The following SLC22A24 variants were observed in gnomAD, a reference collection of about 807,000 sequenced individuals.
The protein encoded by SLC22A24 is solute carrier family 22 member 24.
Under a neutral mutation model 49.8 loss-of-function variants are expected in SLC22A24, and 53 were observed. The ratio of observed to expected loss-of-function variants is 1.06; its 90% confidence interval spans 0.85 to 1.34. The LOEUF (loss-of-function observed/expected upper bound fraction) is 1.34. Ranked by LOEUF, SLC22A24 falls within the 40% of genes most tolerant of loss-of-function variation. SLC22A24 has a pLI of 0.00. For synonymous variants in SLC22A24, 302 were observed against 256.4 expected, an observed-to-expected ratio of 1.18 and a Z score of -1.70; for missense variants, 786 against 675.9, an observed-to-expected ratio of 1.16 and a Z score of -1.81.
At chr11:63,107,946 C>T (rs2087132924) in intron 4 of SLC22A24, among the ~76,000 whole-genome samples, 1 of 151,956 alleles carries the variant, frequency 6.6e-6, no homozygotes, top group African/African-American at 2.4e-5. Context: ...GCCTAATTGC[C>T]CTGGCCAGAA....
intron 2 of SLC22A24, among the ~76,000 whole-genome samples, chr11:63,133,946 A>T (rs79511489): frequency 6.6e-6 from 1 of 152,260 alleles, no homozygotes; most frequent in South Asian, 2.1e-4. Context: ...TGCCCACTCC[A>T]TTCTAGGTTC....
At chr11:63,140,404 G>A (rs559945592) in intron 1 of SLC22A24, among the ~76,000 whole-genome samples, 31 of 152,102 alleles carry the variant, frequency 2.0e-4, no homozygotes, top group African/African-American at 7.0e-4. Context: ...AAAGATTATC[G>A]GTAAAACAAA....
intron 4 of SLC22A24, among the ~76,000 whole-genome samples, chr11:63,110,982 G>T (rs1358942359): frequency 6.6e-6 from 1 of 151,974 alleles, no homozygotes; most frequent in African/African-American, 2.4e-5. Flanking sequence ...ATTGGCTGTG[G>T]GTTTGCCATA....
intron 4 of SLC22A24, 111 bp downstream of exon 4, chr11:63,118,801 T>C: frequency 8.9e-7 from 1 of 1,128,568 alleles, no homozygotes; most frequent in Non-Finnish European, 1.3e-6. Context: ...ACTATGGACA[T>C]CATGGCTCAG....
In SLC22A24 at chr11:63,143,547, G is replaced by T; in HGVS notation, c.233C>A (p.Pro78Gln). The change falls in exon 1 of 10, where the codon CCA becomes CAA. Residue 78 changes from proline to glutamine, a missense_variant. Coordinates refer to ENST00000612278, the MANE Select transcript of SLC22A24 (RefSeq NM_001136506.2). ...CTGTGGCCTCAGGTTTGAGTCCAGT[G>T]GGATGGAGATTCTCAGGAGGTCATC... ...SKDDLLRISI[P>Q]LDSNLRPQKC... 6.3e-7 allele frequency: 1 copy of T among 1,584,480 alleles called. No individual in the cohort carries two copies. Among genetic ancestry groups the T allele is most frequent in the Non-Finnish European group, 8.6e-7 (1 of 1,167,256 alleles).
intron 5 of SLC22A24, among the ~76,000 whole-genome samples, chr11:63,098,598 G>C (rs886351995): frequency 2.0e-5 from 3 of 152,098 alleles, no homozygotes; most frequent in Non-Finnish European, 4.4e-5. Flanking sequence ...GGGAGCTGAA[G>C]GTTGCAGTAA....
chr11:63,105,396 T>A (rs34137187), intron 4 of SLC22A24, among the ~76,000 whole-genome samples: 6 of 151,948 alleles, frequency 3.9e-5, no homozygotes, highest in African/African-American at 1.5e-4. Context: ...GCAGAGGTTT[T>A]CATGAGGGTC....
At position 63,115,579 on chromosome 11, in the gene SLC22A24, C is replaced by T. The variant is rs531237750; in HGVS notation, c.830+3333G>A. ...ACCCTCCATGAGCTGCACCCACTGT[C>T]CAAGCAGTCCCAGTGATATGAACAA... is the stretch of plus-strand genomic sequence containing the variant. On this transcript the variant is annotated intron_variant, in intron 4 of 9. Transcript: ENST00000612278. 9.8e-5 allele frequency among the ~76,000 whole-genome samples: 15 copies of T among 152,286 alleles called. No homozygotes were observed. In the East Asian group the frequency reaches 2.9e-3, roughly 29 times the overall value.
intron 6 of SLC22A24, among the ~76,000 whole-genome samples, chr11:63,088,322 G>C (rs1418552036): frequency 6.6e-6 from 1 of 151,284 alleles, no homozygotes; most frequent in Non-Finnish European, 1.5e-5. Flanking sequence ...CAGCAGACCT[G>C]CCAAAGAGGG....
Position 63,095,974 on chromosome 11 carries a change from C to T in SLC22A24, c.1070+17G>A, listed in dbSNP as rs756403957. On this transcript the variant is annotated intron_variant, in intron 6 of 9. Coordinates refer to ENST00000612278, the MANE Select transcript of SLC22A24 (RefSeq NM_001136506.2). Reference sequence around the variant, plus strand: ...TCTCCAATATTTTAAAGTGAATCATCACCAAATGGAACTTACCTCACAAAG... The same window carrying T: ...TCTCCAATATTTTAAAGTGAATCATTACCAAATGGAACTTACCTCACAAAG... 2.6e-6 allele frequency: 4 copies of T among 1,511,476 alleles called. No individual in the cohort carries two copies. The highest frequency in any genetic ancestry group is 1.2e-5 in the South Asian group (1 of 82,558). The allele number at this position is 1,511,476 out of a possible 1,614,324, so 93.6% of individuals were successfully genotyped here.
At chr11:63,099,962 T>C (rs2087080783) in intron 5 of SLC22A24, among the ~76,000 whole-genome samples, 1 of 152,122 alleles carries the variant, frequency 6.6e-6, no homozygotes, top group East Asian at 1.9e-4. Flanking sequence ...GACACACAGC[T>C]AGTACCATAG....
chr11:63,108,887 G>A (rs920510458), intron 4 of SLC22A24, among the ~76,000 whole-genome samples: 7 of 142,532 alleles, frequency 4.9e-5, no homozygotes, highest in South Asian at 2.3e-4. Context: ...GGGTACATGT[G>A]CACATTGTGC....
chr11:63,137,777 C>G (rs948969946), intron 1 of SLC22A24: 3 of 152,122 alleles, frequency 2.0e-5, no homozygotes, highest in African/African-American at 7.2e-5. Flanking sequence ...GGCATGAACC[C>G]CACAGCTATA....
At chr11:63,135,724 A>T (rs1944039) in intron 1 of SLC22A24, among the ~76,000 whole-genome samples, 117,995 of 152,170 alleles carry the variant, frequency 0.78, 47,384 homozygotes, top group East Asian at 0.9. Context: ...AAAAAGCAAA[A>T]CCGAGTGATT....
rs1005664752 is a variant in SLC22A24, at chr11:63,119,059, C to T, written c.683G>A (p.Arg228Gln). Residue 228 changes from arginine to glutamine, a missense_variant, in exon 4 of 10, where the codon CGG becomes CAG. Transcript: ENST00000612278. ...CACCATTATTGTCATAGATCGTGAC[C>T]GGGGCAATGTCCACTCTAAGCCTGG... ...FILSLEWTLP[R>Q]SRSMTIMVLL... 3.4e-5 allele frequency: 52 copies of T among 1,550,068 alleles called. No individual in the cohort carries two copies. Among genetic ancestry groups the T allele is most frequent in the Admixed American group, 1.6e-4 (8 of 50,958 alleles).
intron 6 of SLC22A24, among the ~76,000 whole-genome samples, chr11:63,086,898 A>C (rs1286827002): frequency 1.1e-4 from 17 of 152,132 alleles, no homozygotes; most frequent in Non-Finnish European, 7.3e-5. Context: ...ATTTGTTAAA[A>C]AAATATGGGA....
chr11:63,080,491 T>A (rs541759179), intron 9 of SLC22A24, among the ~76,000 whole-genome samples: 2 of 152,292 alleles, frequency 1.3e-5, no homozygotes, highest in East Asian at 3.9e-4. Context: ...AAGCAATAAT[T>A]AGGTATGAGG....
chr11:63,096,602 T>C (rs909878046), intron 5 of SLC22A24, among the ~76,000 whole-genome samples: 4 of 152,190 alleles, frequency 2.6e-5, no homozygotes, highest in Non-Finnish European at 5.9e-5. Context: ...AGTGCTGCAA[T>C]AAAAATATGT....
At chr11:63,095,811 C>T (rs1471216021) in intron 6 of SLC22A24, among the ~76,000 whole-genome samples, 180 bp downstream of exon 6, 1 of 152,198 alleles carries the variant, frequency 6.6e-6, no homozygotes, top group African/African-American at 2.4e-5. Context: ...TTAGGTCCCA[C>T]TGTCCTGTCA....
Sources: gnomAD v4.1 joint callset for allele counts (sites outside exome capture counted in the v4.1 genomes callset) on GRCh38, gnomAD v4.1.1 for gene constraint, MANE v1.5 for transcripts, NCBI Gene and HGNC (gene_info 2026-07-23, HGNC 2026-07-21) for gene names.